Variants in RNPEPL1 observed in about 807,000 individuals in gnomAD.
The protein encoded by RNPEPL1 is aminopeptidase RNPEPL1.
RNPEPL1 carries 46 observed loss-of-function variants against 69.0 expected under a neutral mutation model. The ratio of observed to expected loss-of-function variants is 0.67; its 90% CI spans 0.53 to 0.85. RNPEPL1 has a LOEUF of 0.85. Among genes scored for constraint, RNPEPL1 ranks in the 40% least tolerant of loss-of-function variants. RNPEPL1 has a pLI of 0.00. For missense variants in RNPEPL1, 869 were observed against 992.5 expected, an observed-to-expected ratio of 0.88 and a Z score of 1.67; for synonymous variants, 525 against 454.1, an observed-to-expected ratio of 1.16 and a Z score of -1.98.
In RNPEPL1 at chr2:240,568,750, G is replaced by A; in HGVS notation, c.164G>A (p.Arg55His). Reference protein sequence around the residue: ...QLGLELRPEARELAGCLVLEL... With the variant: ...QLGLELRPEAHELAGCLVLEL... ...GGCCTGGAGCTGCGGCCCGAGGCGCGCGAGTTGGCCGGCTGCCTGGTGCTC... is the reference window on the plus strand; with the variant it reads ...GGCCTGGAGCTGCGGCCCGAGGCGCACGAGTTGGCCGGCTGCCTGGTGCTC... The change falls in exon 1 of 11, where the codon CGC (arginine) becomes CAC (histidine). Residue 55 changes from arginine (R) to histidine (H), a missense_variant. Physicochemically the swap from Arg to His is conservative, Grantham distance 29. Coordinates refer to ENST00000270357, the MANE Select transcript of RNPEPL1 (RefSeq NM_018226.6). This position sits in a 1 kb window ranked among gnomAD's most constrained non-coding sequence, Gnocchi z 6.2. 9.4e-7 allele frequency: 1 copy of A among 1,064,012 alleles called. No individual in the cohort carries two copies. Among genetic ancestry groups the A allele is most frequent in the Non-Finnish European group, 1.1e-6 (1 of 879,860 alleles). 65.9% of individuals were successfully genotyped at this position (1,064,012 alleles called of 1,614,324 possible).
At position 240,580,612 on chromosome 2, in the gene RNPEPL1, G is replaced by A. The variant is rs968743777; in HGVS notation, c.*2720G>A. 4 of 152,218 alleles carry A rather than the reference G, an allele frequency of 2.6e-5. No individual in the cohort carries two copies. In the East Asian group the frequency reaches 7.7e-4, roughly 29 times the overall value. The allele number at this position is 152,218 out of a possible 1,614,324, so 9.4% of individuals were successfully genotyped here. On this transcript the variant is annotated 3_prime_UTR_variant, in exon 11 of 11. Transcript: ENST00000270357. ...TTTCCAGGCACCTTGCCAGGGATAA[G>A]AGAGCTGTTGAGGGGCTCACACTGG...
In RNPEPL1 at chr2:240,576,894, G is replaced by A. The variant is rs749266150; in HGVS notation, c.1788G>A (p.Ser596=). 5.0e-6 allele frequency: 8 copies of A among 1,613,310 alleles called. No individual in the cohort carries two copies. The Admixed American group carries it at 5.0e-5, about 10-fold the overall frequency. ...LSKCYSSLLD[S]MNAEIRIRWL... is the part of the protein sequence containing the mutation. ...AGTGCTACTCCTCCCTGCTGGACTC[G>A]ATGAACGCTGAGATCCGCATCCGCT... The change falls in exon 10 of 11, where the codon TCG becomes TCA. Residue 596 remains serine (S), a synonymous_variant. Transcript: ENST00000270357.
chr2:240,578,297 C>A lies in RNPEPL1; in HGVS notation c.*405C>A, dbSNP rs746884331. 1.2e-5 allele frequency: 2 copies of A among 165,460 alleles called. No individual in the cohort carries two copies. Among genetic ancestry groups the A allele is most frequent in the East Asian group, 3.4e-4 (2 of 5,944 alleles). The allele number at this position is 165,460 out of a possible 1,614,324, so 10.2% of individuals were successfully genotyped here. A position where few individuals can be genotyped will look rare whatever the true frequency, so the allele number is the denominator to read the frequency against. ...CCCAGGCTGTGCTGTCCCTGCAGCACGCCTCCTTGCAGGGATCTGAGCCAC... is the reference window on the plus strand; with the variant it reads ...CCCAGGCTGTGCTGTCCCTGCAGCAAGCCTCCTTGCAGGGATCTGAGCCAC... On this transcript the variant is annotated 3_prime_UTR_variant, in exon 11 of 11. Coordinates refer to ENST00000270357, the MANE Select transcript of RNPEPL1 (RefSeq NM_018226.6).
rs2093038108 is a variant in RNPEPL1, at chr2:240,576,533, A to T, written c.1511-2A>T. The T allele has an allele frequency of 6.2e-7, 1 of 1,609,518 alleles. No individual in the cohort carries two copies. Among genetic ancestry groups the T allele is most frequent in the Non-Finnish European group, 8.5e-7 (1 of 1,178,484 alleles). Reference sequence around the variant, plus strand: ...GACCCCAGGGTCACTTCTCCCCTCTAGGGCTGGAATTCGAGCGCTGGCTCA... The same window carrying T: ...GACCCCAGGGTCACTTCTCCCCTCTTGGGCTGGAATTCGAGCGCTGGCTCA... On this transcript the variant is annotated splice_acceptor_variant, in intron 8 of 10. Transcript: ENST00000270357. LOFTEE classifies it high-confidence loss of function.
chr2:240,577,763 C>G lies in RNPEPL1; in HGVS notation c.2049C>G (p.Pro683=). ...AGGGCCTGGGCTCCAGCACAGAGCC[C>G]GCCTCAGAGCCCAGCACGGAGCTGG... is the stretch of plus-strand genomic sequence containing the variant. ...LSQGLGSSTE[P]ASEPSTELGK... Residue 683 remains proline, a synonymous_variant, in exon 11 of 11, where the codon CCC becomes CCG. Transcript: ENST00000270357. The G allele has an allele frequency of 2.5e-6, 4 of 1,612,082 alleles. No individual in the cohort carries two copies. Among genetic ancestry groups the G allele is most frequent in the Non-Finnish European group, 3.4e-6 (4 of 1,179,478 alleles).
At chr2:240,572,718 GAGCCGCTTTGCAGGGAACGGGGGA>G (rs1341068761) in intron 2 of RNPEPL1, among the ~76,000 whole-genome samples, 155 bp downstream of exon 2, 1 of 152,210 alleles carries the variant, frequency 6.6e-6, no homozygotes. Flanking sequence ...TCTATGGGAG[GAGCCGCTTTGCAGGGAACGGGGGA>G]AGCCGGGCTG....
intron 1 of RNPEPL1, 119 bp from the exon 2 acceptor site, chr2:240,572,304 G>C (rs896630995): frequency 8.2e-7 from 1 of 1,224,364 alleles, no homozygotes; most frequent in African/African-American, 1.5e-5. Context: ...AACCCAGCAA[G>C]ATAATCTGGC....
At position 240,577,043 on chromosome 2, in the gene RNPEPL1, G is replaced by A. The variant is rs373366909; in HGVS notation, c.1884+53G>A. 28 of 1,603,572 alleles carry A rather than the reference G, an allele frequency of 1.7e-5. 1 individual carries two copies. The highest frequency in any genetic ancestry group is 8.9e-5 in the East Asian group (4 of 44,726). ...CTGGAACGGCCTAGCCGTGCGGACT[G>A]GGAGTCCCACCCGACTCCCTAGTCT... On this transcript the variant is annotated intron_variant, in intron 10 of 10. Coordinates refer to ENST00000270357, the MANE Select transcript of RNPEPL1 (RefSeq NM_018226.6).
At chr2:240,570,716 C>T (rs1392753237) in intron 1 of RNPEPL1, among the ~76,000 whole-genome samples, 36 of 152,196 alleles carry the variant, frequency 2.4e-4, no homozygotes, top group Admixed American at 2.3e-3. Context: ...TTCTTCCTGC[C>T]CTGCAGCGTC....
intron 1 of RNPEPL1, 82 bp downstream of exon 1, chr2:240,569,196 G>T (rs2093014048): frequency 7.4e-7 from 1 of 1,345,360 alleles, no homozygotes; most frequent in Non-Finnish European, 9.5e-7. Context: ...CCAGGCTGAG[G>T]GACGCGAATC....
Position 240,568,637 on chromosome 2 carries a change from C to T in RNPEPL1, c.51C>T (p.Pro17=). 2.0e-6 allele frequency: 2 copies of T among 1,004,762 alleles called. No homozygotes were observed. Among genetic ancestry groups the T allele is most frequent in the South Asian group, 8.6e-5 (2 of 23,318 alleles). 62.2% of individuals were successfully genotyped at this position (1,004,762 alleles called of 1,614,324 possible). A position where few individuals can be genotyped will look rare whatever the true frequency, so the allele number is the denominator to read the frequency against. The change falls in exon 1 of 11, where the codon CCC becomes CCT. Residue 17 remains proline (P), a synonymous_variant. Coordinates refer to ENST00000270357, the MANE Select transcript of RNPEPL1 (RefSeq NM_018226.6). The surrounding 1 kb of genome is among the most constrained non-coding windows in gnomAD (Gnocchi z 6.2). ...CRQAPGAEAA[P]VRPPPEPPPA... Reference sequence around the variant, plus strand: ...AGGCGCCCGGCGCCGAGGCCGCGCCCGTCCGCCCGCCGCCCGAGCCGCCGC... The same window carrying T: ...AGGCGCCCGGCGCCGAGGCCGCGCCTGTCCGCCCGCCGCCCGAGCCGCCGC...
Position 240,578,210 on chromosome 2 carries a change from G to A in RNPEPL1, c.*318G>A, listed in dbSNP as rs897014803. 3.0e-5 allele frequency: 8 copies of A among 269,656 alleles called. No individual in the cohort carries two copies. The highest frequency in any genetic ancestry group is 1.3e-4 in the South Asian group (1 of 7,716). 16.7% of individuals were successfully genotyped at this position (269,656 alleles called of 1,614,324 possible). ...GCCAGCACCTGCCAGGTGCCGCCCC[G>A]GGGCAAGGGCCCCAGCAGCCCTATG... On this transcript the variant is annotated 3_prime_UTR_variant, in exon 11 of 11. Transcript: ENST00000270357.
intron 1 of RNPEPL1, among the ~76,000 whole-genome samples, chr2:240,571,911 C>T (rs1399273429): frequency 1.3e-5 from 2 of 152,102 alleles, no homozygotes; most frequent in South Asian, 2.1e-4. Context: ...GGCGAGGCTG[C>T]CTGGGCTCAG....
At chr2:240,573,420 G>GCCCTGCCTGCCAGGA (rs1399575627) in intron 3 of RNPEPL1, among the ~76,000 whole-genome samples, 159 bp downstream of exon 3, 6 of 151,842 alleles carry the variant, frequency 4.0e-5, no homozygotes, top group Admixed American at 3.9e-4. Context: ...CACCGCCAGG[G>GCCCTGCCTGCCAGGA]CCCTGCCACC....
In RNPEPL1 at chr2:240,580,477, C is replaced by CGT. The variant is rs1320288211; in HGVS notation, c.*2585_*2586insGT. 3 of 152,398 alleles carry CGT rather than the reference C, an allele frequency of 2.0e-5. No individual in the cohort carries two copies. Among genetic ancestry groups the CGT allele is most frequent in the African/African-American group, 7.2e-5 (3 of 41,442 alleles). The allele number at this position is 152,398 out of a possible 1,614,324, so 9.4% of individuals were successfully genotyped here. On this transcript the variant is annotated 3_prime_UTR_variant, in exon 11 of 11. Coordinates refer to ENST00000270357, the MANE Select transcript of RNPEPL1 (RefSeq NM_018226.6). Reference sequence around the variant, plus strand: ...AACTATGAAGCGCAGACGTCTCACACAACAAAGCTTTCTCATGCTGCAGGC... The same window carrying CGT: ...AACTATGAAGCGCAGACGTCTCACACGTAACAAAGCTTTCTCATGCTGCAGGC...
intron 6 of RNPEPL1, 189 bp from the exon 7 acceptor site, chr2:240,574,841 G>A: frequency 1.5e-6 from 1 of 659,038 alleles, no homozygotes; most frequent in South Asian, 1.7e-5. Context: ...CAGTCACAGT[G>A]GTGTGTGAGT....
At chr2:240,574,872 C>A in intron 6 of RNPEPL1, 158 bp from the exon 7 acceptor site, 1 of 700,562 alleles carries the variant, frequency 1.4e-6, no homozygotes. Flanking sequence ...CCCCGAGGCC[C>A]TGCCGCTGCA....
rs1457764413 is a variant in RNPEPL1 at position 240,573,138 on chromosome 2, G to A, written c.698G>A (p.Ser233Asn). The A allele has an allele frequency of 1.2e-6, 2 of 1,609,948 alleles. No individual in the cohort carries two copies. The highest frequency in any genetic ancestry group is 2.7e-5 in the African/African-American group (2 of 74,892). ...CCATCGGGGGTGCAGGTGCTGATGA[G>A]TGCCACCCGGAGTGCATACATGGAG... ...KAPSGVQVLM[S>N]ATRSAYMEEE... is the part of the protein sequence containing the mutation. The change falls in exon 3 of 11, where the codon AGT becomes AAT. Residue 233 changes from serine to asparagine, a missense_variant. Ser to Asn is a conservative substitution (Grantham distance 46). Transcript: ENST00000270357.
At chr2:240,573,505 C>T (rs997948946) in intron 3 of RNPEPL1, among the ~76,000 whole-genome samples, 3 of 152,242 alleles carry the variant, frequency 2.0e-5, no homozygotes, top group Non-Finnish European at 2.9e-5. Context: ...CCAAGGCCCC[C>T]GCACAGCCTG....
Sources: gnomAD v4.1 joint callset for allele counts (sites outside exome capture counted in the v4.1 genomes callset) on GRCh38, gnomAD v4.1.1 for gene constraint, Gnocchi (gnomAD v3.1) non-coding constraint, MANE v1.5 for transcripts, NCBI Gene and HGNC (gene_info 2026-07-23, HGNC 2026-07-21) for gene names.